Variants in HNRNPA3 observed in about 807,000 individuals in gnomAD.
HNRNPA3 encodes the protein epididymis secretory sperm binding protein.
HNRNPA3 carries 3 observed loss-of-function variants against 45.8 expected under a neutral mutation model. The ratio of observed to expected loss-of-function variants is 0.07; its 90% confidence interval spans 0.03 to 0.17. HNRNPA3 has a LOEUF of 0.17. HNRNPA3 is among the 10% of genes least tolerant of loss of function. HNRNPA3 has a pLI of 1.00. For synonymous variants in HNRNPA3, 170 were observed against 155.6 expected, an observed-to-expected ratio of 1.09 and a Z score of -0.69; for missense variants, 183 against 480.3, an observed-to-expected ratio of 0.38 and a Z score of 5.79.
At chr2:177,213,263 A>G (rs368786710) in intron 1 of HNRNPA3, among the ~76,000 whole-genome samples, 3 of 152,134 alleles carry the variant, frequency 2.0e-5, no homozygotes, top group African/African-American at 4.8e-5. Flanking sequence ...CGGCGGCCAC[A>G]TTGACATTGA....
intron 7 of HNRNPA3, 73 bp downstream of exon 7, chr2:177,217,013 T>C (rs1016006471): frequency 3.0e-6 from 4 of 1,347,222 alleles, no homozygotes; most frequent in Admixed American, 6.1e-5. Flanking sequence ...TATTACACTT[T>C]TCTAATTTTA....
chr2:177,218,814 G>T (rs1460821704), intron 8 of HNRNPA3, among the ~76,000 whole-genome samples: 3 of 152,160 alleles, frequency 2.0e-5, no homozygotes, highest in Non-Finnish European at 4.4e-5. Context: ...CAATTTTAAT[G>T]GTGTTAATGG....
intron 4 of HNRNPA3, 122 bp from the exon 5 acceptor site, chr2:177,216,381 A>G: frequency 1.3e-6 from 1 of 759,986 alleles, no homozygotes; most frequent in Non-Finnish European, 2.1e-6. Context: ...ATGCTCCTTC[A>G]TTACCAGAGT....
downstream of HNRNPA3, chr2:177,223,260 T>TC (rs1227450725): frequency 6.6e-6 from 1 of 152,186 alleles, no homozygotes. Context: ...CAACATGGTT[T>TC]TAGTGAAGCA....
chr2:177,219,014 A>T (rs1689079143), intron 8 of HNRNPA3, 23 bp from the exon 9 acceptor site: 1 of 1,609,792 alleles, frequency 6.2e-7, no homozygotes, highest in East Asian at 2.2e-5. Context: ...GGTAAACCAC[A>T]CATAAAACCT....
intron 1 of HNRNPA3, among the ~76,000 whole-genome samples, chr2:177,213,285 G>T (rs1011948001): frequency 1.3e-5 from 2 of 152,304 alleles, no homozygotes; most frequent in Admixed American, 6.5e-5. Flanking sequence ...CCGCCGCCGC[G>T]TTACGAAATG....
At chr2:177,215,952 G>A in intron 3 of HNRNPA3, 26 bp from the exon 4 acceptor site, 1 of 1,596,928 alleles carries the variant, frequency 6.3e-7, no homozygotes, top group Non-Finnish European at 8.5e-7. Context: ...TTTGTTTCTT[G>A]ACTTAATATA....
At chr2:177,213,079 C>T (rs868260140) in intron 1 of HNRNPA3, among the ~76,000 whole-genome samples, 1 of 152,116 alleles carries the variant, frequency 6.6e-6, no homozygotes, top group Non-Finnish European at 1.5e-5. Flanking sequence ...CAGGCGGCCC[C>T]TTGGAGGCGC....
In HNRNPA3 at chr2:177,216,815, G is replaced by T. The variant is rs748491441; in HGVS notation, c.739+44G>T. On this transcript the variant is annotated intron_variant, in intron 6 of 10. Coordinates refer to ENST00000392524, the Ensembl canonical transcript of HNRNPA3. ...AAGTACATGGATACCTGACATTTTGGTAAGTTGAATATATTATTTTAATTC... is the reference window on the plus strand; with the variant it reads ...AAGTACATGGATACCTGACATTTTGTTAAGTTGAATATATTATTTTAATTC... 2.5e-6 allele frequency: 4 copies of T among 1,613,552 alleles called. No individual in the cohort carries two copies. In the Admixed American group the frequency reaches 6.7e-5, roughly 27 times the overall value.
At chr2:177,216,829 T>C (rs763474825) in intron 6 of HNRNPA3, 31 bp from the exon 7 acceptor site, 2 of 1,612,968 alleles carry the variant, frequency 1.2e-6, no homozygotes, top group Admixed American at 1.7e-5. Flanking sequence ...GTTGAATATA[T>C]TATTTTAATT....
At chr2:177,215,100 T>C (rs1173175823) in intron 1 of HNRNPA3, among the ~76,000 whole-genome samples, 1 of 151,550 alleles carries the variant, frequency 6.6e-6, no homozygotes, top group Non-Finnish European at 1.5e-5. Context: ...GGTCAAAGTT[T>C]TTGTTGTTTT....
intron 1 of HNRNPA3, among the ~76,000 whole-genome samples, chr2:177,214,535 C>T (rs1688842327): frequency 6.6e-6 from 1 of 152,190 alleles, no homozygotes. Flanking sequence ...GTGGCTCACG[C>T]CTGTAATTCT....
intron 1 of HNRNPA3, among the ~76,000 whole-genome samples, chr2:177,215,240 G>A (rs766001673): frequency 6.6e-6 from 1 of 151,964 alleles, no homozygotes; most frequent in Non-Finnish European, 1.5e-5. Context: ...GATTACAGAC[G>A]CCCGCCACCA....
intron 8 of HNRNPA3, 47 bp downstream of exon 8, chr2:177,217,892 TA>T: frequency 6.8e-7 from 1 of 1,479,742 alleles, no homozygotes; most frequent in African/African-American, 1.4e-5. Flanking sequence ...TCAGTGTTGC[TA>T]ACAGTTCCCA....
At chr2:177,221,248 A>G (rs1023872917), downstream of HNRNPA3, 4 of 152,664 alleles carry the variant, frequency 2.6e-5, no homozygotes, top group South Asian at 2.1e-4. Context: ...TGGTTATATA[A>G]TGGACACTGT....
chr2:177,223,308 A>C (rs927381903), downstream of HNRNPA3: 10 of 151,550 alleles, frequency 6.6e-5, no homozygotes, highest in African/African-American at 1.5e-4. Flanking sequence ...TTTCTAGTTT[A>C]TTTCTTTTTA....
downstream of HNRNPA3, chr2:177,221,917 T>G (rs1267727759): frequency 2.6e-5 from 4 of 152,650 alleles, no homozygotes; most frequent in African/African-American, 4.8e-5. Flanking sequence ...CAATGAGAGA[T>G]AGTTGCCACA....
At chr2:177,223,482 T>C (rs1689278000), downstream of HNRNPA3, 2 of 146,110 alleles carry the variant, frequency 1.4e-5, no homozygotes, top group South Asian at 4.1e-4. Flanking sequence ...GCTTCTAATA[T>C]TACACTTCTA....
At position 177,212,811 on chromosome 2, in the gene HNRNPA3, A is replaced by G. The variant is rs959584451; in HGVS notation, c.12A>G (p.Lys4=). The change falls in exon 1 of 11, where the codon AAA becomes AAG. Residue 4 remains lysine, a synonymous_variant. Coordinates refer to ENST00000392524, the Ensembl canonical transcript of HNRNPA3. ...AGTCCGGTCTCAAAATGGAGGTAAAACCGCCGCCCGGTCGCCCCCAGCCCG... is the reference window on the plus strand; with the variant it reads ...AGTCCGGTCTCAAAATGGAGGTAAAGCCGCCGCCCGGTCGCCCCCAGCCCG... 12 of 1,562,642 alleles carry G rather than the reference A, an allele frequency of 7.7e-6. No individual in the cohort carries two copies. In the Admixed American group the frequency reaches 1.8e-4, roughly 24 times the overall value.
Sources: gnomAD v4.1 joint callset for allele counts (sites outside exome capture counted in the v4.1 genomes callset) on GRCh38, gnomAD v4.1.1 for gene constraint, MANE v1.5 for transcripts, NCBI Gene and HGNC (gene_info 2026-07-23, HGNC 2026-07-21) for gene names.